Variants in DEGS2 observed in about 807,000 individuals in gnomAD.
DEGS2 encodes the protein sphingolipid delta(4)-desaturase/C4-monooxygenase DES2.
Under a neutral mutation model 23.8 loss-of-function variants are expected in DEGS2, and 19 were observed. The observed-to-expected ratio is 0.80, with a 90% CI of 0.56 to 1.17. The LOEUF (loss-of-function observed/expected upper bound fraction) is 1.17, where lower values mean the gene tolerates loss of function less well. Among genes scored for constraint, DEGS2 ranks in the 50% most tolerant of loss-of-function variants. DEGS2 has a pLI of 0.00. For missense variants in DEGS2, 390 were observed against 459.5 expected (o/e 0.85, Z 1.38); for synonymous variants, 218 against 213.7 (o/e 1.02, Z -0.18).
upstream of DEGS2, among the ~76,000 whole-genome samples, chr14:100,162,440 A>G (rs747577450): frequency 4.6e-5 from 7 of 152,164 alleles, no homozygotes; most frequent in African/African-American, 7.2e-5. Context: ...CACACCTGTA[A>G]TCCCAGCACT....
chr14:100,153,934 G>A (rs1382346199), intron 1 of DEGS2, among the ~76,000 whole-genome samples: 3 of 152,166 alleles, frequency 2.0e-5, no homozygotes, highest in Non-Finnish European at 4.4e-5. Flanking sequence ...GTGCAACAAG[G>A]CTGACCGAGC....
At chr14:100,164,218 C>G (rs1017636190), upstream of DEGS2, among the ~76,000 whole-genome samples, 36 of 152,102 alleles carry the variant, frequency 2.4e-4, no homozygotes, top group Admixed American at 1.9e-3. Context: ...CAGGGGTGAG[C>G]CCCCGCGCCC....
chr14:100,165,779 C>T, the DEGS2 span, among the ~76,000 whole-genome samples: 2 of 150,964 alleles, frequency 1.3e-5, no homozygotes, highest in Non-Finnish European at 3.0e-5. Flanking sequence ...TTTGGGGGTG[C>T]CCCGCAGGCG....
At chr14:100,152,376 C>T (rs369573050) in intron 1 of DEGS2, among the ~76,000 whole-genome samples, 6 of 152,092 alleles carry the variant, frequency 3.9e-5, no homozygotes, top group African/African-American at 1.4e-4. Flanking sequence ...AGGAACTCCT[C>T]GAGAGCTATG....
chr14:100,153,322 G>C (rs1253884933), intron 1 of DEGS2, among the ~76,000 whole-genome samples: 2 of 152,042 alleles, frequency 1.3e-5, no homozygotes, highest in African/African-American at 4.8e-5. Context: ...GTGAGAGATA[G>C]ATACATAGAT....
intron 1 of DEGS2, among the ~76,000 whole-genome samples, chr14:100,153,155 C>T (rs1889601112): frequency 6.6e-6 from 1 of 152,126 alleles, no homozygotes; most frequent in Middle Eastern, 3.4e-3. Flanking sequence ...ACTTGGGAGG[C>T]TGAGGTGGGA....
At chr14:100,147,932 C>G (rs1176587384) in intron 2 of DEGS2, among the ~76,000 whole-genome samples, 2 of 152,168 alleles carry the variant, frequency 1.3e-5, no homozygotes, top group African/African-American at 2.4e-5. Flanking sequence ...TCTGCCTTAT[C>G]TATACAACAG....
rs538284067 is a variant in DEGS2, at chr14:100,148,124, C to T, written c.825+844G>A. On this transcript the variant is annotated intron_variant, in intron 2 of 2. Transcript: ENST00000305631. ...GCCACAGTGCACACGCATACAGGGACGTGTGCACAAACACCTGCACAACCA... is the reference window on the plus strand; with the variant it reads ...GCCACAGTGCACACGCATACAGGGATGTGTGCACAAACACCTGCACAACCA... Among the ~76,000 whole-genome samples the T allele has an allele frequency of 5.1e-4, 78 of 152,288 alleles. No homozygotes were observed. In the South Asian group the frequency reaches 5.8e-3, roughly 11 times the overall value.
chr14:100,151,667 G>A (rs1889574577), intron 1 of DEGS2, among the ~76,000 whole-genome samples: 1 of 152,230 alleles, frequency 6.6e-6, no homozygotes, highest in Non-Finnish European at 1.5e-5. Flanking sequence ...AGCAGCTGCT[G>A]GAGCTTTGCA....
At chr14:100,165,990 G>A in the DEGS2 span, among the ~76,000 whole-genome samples, 1 of 79,688 alleles carries the variant, frequency 1.3e-5, no homozygotes, top group Non-Finnish European at 2.8e-5. Flanking sequence ...GGGGAGTAGG[G>A]GGAGCCTGCC....
intron 1 of DEGS2, among the ~76,000 whole-genome samples, chr14:100,156,081 G>T (rs1326557423): frequency 6.6e-6 from 1 of 152,228 alleles, no homozygotes; most frequent in Non-Finnish European, 1.5e-5. Flanking sequence ...CCAACCCACA[G>T]AGCTCCTGGA....
At chr14:100,150,855 A>G (rs879619437) in intron 1 of DEGS2, among the ~76,000 whole-genome samples, 10 of 151,920 alleles carry the variant, frequency 6.6e-5, no homozygotes, top group Non-Finnish European at 1.5e-4. Flanking sequence ...ACACAGAAGG[A>G]CAGCAGCGCC....
chr14:100,147,669 C>CCT (rs1374016709), intron 2 of DEGS2, among the ~76,000 whole-genome samples: 1 of 147,518 alleles, frequency 6.8e-6, no homozygotes, highest in Non-Finnish European at 1.5e-5. Context: ...CCCCCCCCCC[C>CCT]CAGGATGCCT....
the DEGS2 span, among the ~76,000 whole-genome samples, chr14:100,166,540 C>T: frequency 2.2e-3 from 341 of 152,214 alleles, 3 homozygotes; most frequent in Admixed American, 0.021. Context: ...AGGAGGTCGC[C>T]AGTGGATTCG....
chr14:100,166,582 G>A, the DEGS2 span, among the ~76,000 whole-genome samples: 1 of 152,044 alleles, frequency 6.6e-6, no homozygotes, highest in Non-Finnish European at 1.5e-5. Context: ...ATGCCGCGTG[G>A]GTCTCCCTGA....
At chr14:100,156,555 A>G (rs1889661410) in intron 1 of DEGS2, among the ~76,000 whole-genome samples, 1 of 152,208 alleles carries the variant, frequency 6.6e-6, no homozygotes. Flanking sequence ...CAACTCCTTC[A>G]TCTGTTTACA....
chr14:100,153,719 G>A (rs1184474777), intron 1 of DEGS2, among the ~76,000 whole-genome samples: 4 of 152,236 alleles, frequency 2.6e-5, no homozygotes, highest in Non-Finnish European at 5.9e-5. Context: ...CTGCTCCGTG[G>A]GGCAGCACAG....
intron 2 of DEGS2, 150 bp from the exon 3 acceptor site, chr14:100,147,057 ATGGGTGTACATAATG>A: frequency 1.2e-6 from 1 of 856,022 alleles, no homozygotes; most frequent in Non-Finnish European, 1.7e-6. Context: ...ACACACACAC[ATGGGTGTACATAATG>A]CAAACACACC....
chr14:100,166,831 A>G, the DEGS2 span, among the ~76,000 whole-genome samples: 2 of 152,216 alleles, frequency 1.3e-5, no homozygotes, highest in Non-Finnish European at 2.9e-5. Flanking sequence ...CTTTGCTTAA[A>G]AAAGAAGGAA....
Sources: gnomAD v4.1 joint callset for allele counts (sites outside exome capture counted in the v4.1 genomes callset) on GRCh38, gnomAD v4.1.1 for gene constraint, MANE v1.5 for transcripts, NCBI Gene and HGNC (gene_info 2026-07-23, HGNC 2026-07-21) for gene names.